The following CENPC variants were observed in gnomAD, a reference collection of about 807,000 sequenced individuals.
CENPC encodes the protein centromere protein C.
A neutral mutation model predicts 112.1 loss-of-function variants in CENPC; 63 were observed. That is an observed-to-expected ratio of 0.56 (90% CI 0.46 to 0.69). The LOEUF (loss-of-function observed/expected upper bound fraction) is 0.69. Ranked by LOEUF, CENPC falls within the 30% of genes least tolerant of loss-of-function variation. The pLI, the probability that CENPC is intolerant of heterozygous loss-of-function variation, is 0.00. For synonymous variants in CENPC, 333 were observed against 367.6 expected, an observed-to-expected ratio of 0.91 and a Z score of 1.08; for missense variants, 1,000 against 1,103.8, an observed-to-expected ratio of 0.91 and a Z score of 1.33.
chr4:67,489,050 T>C (rs1725165248), intron 17 of CENPC, among the ~76,000 whole-genome samples: 1 of 152,032 alleles, frequency 6.6e-6, no homozygotes, highest in South Asian at 2.1e-4. Context: ...TGTCAGATAC[T>C]GAAAGATGTT....
chr4:67,497,206 C>T (rs1190277418), intron 12 of CENPC, among the ~76,000 whole-genome samples: 2 of 151,798 alleles, frequency 1.3e-5, no homozygotes, highest in Non-Finnish European at 2.9e-5. Context: ...GGTGAAACCC[C>T]ATCTCTACTA....
At position 67,492,888 on chromosome 4, in the gene CENPC, A is replaced by G; in HGVS notation, c.2400T>C (p.Cys800=). ...VNKKSNKKRI[C]LDNDERKTNL... ...TCATACTTCTTTCATCGTTATCAAGACAGATCCTTTTCTTATTAGATTTTT... is the reference window on the plus strand; with the variant it reads ...TCATACTTCTTTCATCGTTATCAAGGCAGATCCTTTTCTTATTAGATTTTT... The change falls in exon 15 of 19, where the codon TGT becomes TGC. Residue 800 remains cysteine, a synonymous_variant. Coordinates refer to ENST00000273853, the MANE Select transcript of CENPC (RefSeq NM_001812.4). 1 of 1,568,870 alleles carries G rather than the reference A, an allele frequency of 6.4e-7. No homozygotes were observed. Among genetic ancestry groups the G allele is most frequent in the Non-Finnish European group, 8.7e-7 (1 of 1,152,340 alleles).
At position 67,506,916 on chromosome 4, in the gene CENPC, C is replaced by A; in HGVS notation, c.1923G>T (p.Lys641Asn). The A allele has an allele frequency of 6.2e-7, 1 of 1,607,182 alleles. No homozygotes were observed. Among genetic ancestry groups the A allele is most frequent in the Non-Finnish European group, 8.5e-7 (1 of 1,177,206 alleles). The stretch of plus-strand genomic sequence containing the variant: ...GTGCAGTCATAATGTTATCTTCATT[C>A]TTTGAGCTTCTTGTAGATCTATAAA... ...LDCSRSTRSS[K>N]NEDNIMTAQN... Residue 641 changes from lysine (K) to asparagine (N), a missense_variant, in exon 11 of 19, where the codon AAG becomes AAT. Lys to Asn is a moderately conservative substitution (Grantham distance 94, BLOSUM62 0). Coordinates refer to ENST00000273853, the MANE Select transcript of CENPC (RefSeq NM_001812.4).
intron 10 of CENPC, among the ~76,000 whole-genome samples, chr4:67,507,852 A>C (rs1341820908): frequency 1.3e-5 from 2 of 152,150 alleles, no homozygotes; most frequent in Non-Finnish European, 2.9e-5. Context: ...AACACAATAA[A>C]ATAAAAGAGA....
Position 67,506,864 on chromosome 4 carries a change from T to C in CENPC, c.1975A>G (p.Ser659Gly), listed in dbSNP as rs1725748212. The C allele has an allele frequency of 6.2e-7, 1 of 1,612,448 alleles. No individual in the cohort carries two copies. Among genetic ancestry groups the C allele is most frequent in the Non-Finnish European group, 8.5e-7 (1 of 1,178,866 alleles). Reference protein sequence around the residue: ...AQNVPLKPQTSGYTCNIPTES... With the variant: ...AQNVPLKPQTGGYTCNIPTES... The stretch of plus-strand genomic sequence containing the variant: ...GTTGGTATATTACATGTATATCCAC[T>C]GGTCTGAGGCTTTAGGGGAACATTC... The change falls in exon 11 of 19, where the codon AGT becomes GGT. Residue 659 changes from serine to glycine, a missense_variant. Coordinates refer to ENST00000273853, the MANE Select transcript of CENPC (RefSeq NM_001812.4).
chr4:67,531,710 G>A (rs1726555192), intron 4 of CENPC, among the ~76,000 whole-genome samples: 1 of 152,172 alleles, frequency 6.6e-6, no homozygotes, highest in Non-Finnish European at 1.5e-5. Flanking sequence ...CTGCTGAAGG[G>A]AATGAGTACA....
Position 67,483,005 on chromosome 4 carries a change from C to T in CENPC, c.2670+6962G>A, listed in dbSNP as rs183129480. The stretch of plus-strand genomic sequence containing the variant: ...CATGCTGTTCTCATGAGAGTGAGTT[C>T]TCACAAGATCTGATGGTTTTATAAG... On this transcript the variant is annotated intron_variant, in intron 17 of 18. Coordinates refer to ENST00000273853, the MANE Select transcript of CENPC (RefSeq NM_001812.4). Among the ~76,000 whole-genome samples, 23 of 152,236 alleles carry T rather than the reference C, an allele frequency of 1.5e-4. No individual in the cohort carries two copies. In the East Asian group the frequency reaches 4.1e-3, roughly 27 times the overall value.
chr4:67,494,509 T>C (rs1449433762), intron 13 of CENPC, among the ~76,000 whole-genome samples: 4 of 152,112 alleles, frequency 2.6e-5, no homozygotes, highest in Admixed American at 2.6e-4. Flanking sequence ...CAGTCTCTCA[T>C]CACATAGGCC....
At chr4:67,498,447 C>T (rs1725500710) in intron 12 of CENPC, among the ~76,000 whole-genome samples, 3 of 152,148 alleles carry the variant, frequency 2.0e-5, no homozygotes, top group Non-Finnish European at 1.5e-5. Flanking sequence ...TTACTCACAG[C>T]AGAACTTCTT....
At chr4:67,515,662 C>T (rs561285454) in intron 7 of CENPC, among the ~76,000 whole-genome samples, 6 of 151,954 alleles carry the variant, frequency 3.9e-5, no homozygotes, top group South Asian at 4.1e-4. Flanking sequence ...TGTTTTAAGC[C>T]GCTAAGTGTG....
At chr4:67,493,482 C>T (rs1725341256) in intron 14 of CENPC, 5 of 175,470 alleles carry the variant, frequency 2.8e-5, no homozygotes, top group African/African-American at 1.2e-4. Context: ...CTCATCTCTA[C>T]AAAAATAAGA....
rs12645358 is a variant in CENPC, at chr4:67,498,403, C to A, written c.2132-3191G>T. 2.5e-3 allele frequency among the ~76,000 whole-genome samples: 374 copies of A among 152,182 alleles called. 10 individuals carry two copies. The East Asian group carries it at 0.043, about 18-fold the overall frequency. Reference sequence around the variant, plus strand: ...TTAAAATAAGTCAACAATGAAGTTTCCCTGGAGAATATAAAATGCTGTTGT... The same window carrying A: ...TTAAAATAAGTCAACAATGAAGTTTACCTGGAGAATATAAAATGCTGTTGT... On this transcript the variant is annotated intron_variant, in intron 12 of 18. Transcript: ENST00000273853.
chr4:67,545,276 C>G lies in CENPC; in HGVS notation c.18+62G>C. On this transcript the variant is annotated intron_variant, in intron 1 of 18. Coordinates refer to ENST00000273853, the MANE Select transcript of CENPC (RefSeq NM_001812.4). ...CCTAGCATTTCCTTCTCCCCAGCCTCGGGCGCCCGTGCCCCAGCCAGCCGC... is the reference window on the plus strand; with the variant it reads ...CCTAGCATTTCCTTCTCCCCAGCCTGGGGCGCCCGTGCCCCAGCCAGCCGC... 3 of 1,437,818 alleles carry G rather than the reference C, an allele frequency of 2.1e-6. No homozygotes were observed. In the East Asian group the frequency reaches 8.6e-5, roughly 41 times the overall value. The allele number at this position is 1,437,818 out of a possible 1,614,324, so 89.1% of individuals were successfully genotyped here.
At chr4:67,503,905 C>T (rs779751166) in intron 12 of CENPC, among the ~76,000 whole-genome samples, 1 of 151,870 alleles carries the variant, frequency 6.6e-6, no homozygotes, top group East Asian at 1.9e-4. Flanking sequence ...CTTAGAATAA[C>T]AGCAAAAATT....
chr4:67,476,679 G>A (rs1042164649), intron 17 of CENPC, among the ~76,000 whole-genome samples: 3 of 152,218 alleles, frequency 2.0e-5, no homozygotes, highest in Non-Finnish European at 2.9e-5. Context: ...ATTGGGGGAA[G>A]GGCGAATAGG....
chr4:67,485,757 T>C (rs949534504), intron 17 of CENPC, among the ~76,000 whole-genome samples: 2 of 152,218 alleles, frequency 1.3e-5, no homozygotes, highest in Non-Finnish European at 2.9e-5. Flanking sequence ...TACCAAGCAG[T>C]ATTATGAGAA....
rs756380040 is a variant in CENPC at position 67,508,973 on chromosome 4, T to G, written c.1745A>C (p.Lys582Thr). 3.1e-6 allele frequency: 5 copies of G among 1,613,670 alleles called. No individual in the cohort carries two copies. The change falls in exon 10 of 19, where the codon AAG (lysine) becomes ACG (threonine). Residue 582 changes from lysine (K) to threonine (T), a missense_variant. Coordinates refer to ENST00000273853, the MANE Select transcript of CENPC (RefSeq NM_001812.4). ...TCTTTGGTTGCCTTTAGTTGCTGTC[T>G]TCTGCCTTTTAAGTGGAATAGTTTT... ...RKKTIPLKRQ[K>T]TATKGNQRVQ...
intron 12 of CENPC, among the ~76,000 whole-genome samples, chr4:67,496,150 G>A (rs1174275059): frequency 6.6e-6 from 1 of 152,170 alleles, no homozygotes; most frequent in East Asian, 1.9e-4. Context: ...TGGCCACATG[G>A]AAAAGCCACA....
intron 2 of CENPC, among the ~76,000 whole-genome samples, chr4:67,543,919 A>G (rs911853206): frequency 4.6e-5 from 7 of 151,904 alleles, no homozygotes; most frequent in African/African-American, 1.7e-4. Context: ...CAGAACTGAG[A>G]CTCCCTCTTC....
Sources: allele counts gnomAD v4.1 joint callset (sites outside exome capture counted in the v4.1 genomes callset), GRCh38; gene constraint gnomAD v4.1.1; transcripts MANE v1.5; gene names NCBI Gene and HGNC (gene_info 2026-07-23, HGNC 2026-07-21).